The following TESK2 variants were observed in gnomAD, a reference collection of about 807,000 sequenced individuals.
TESK2 encodes dual specificity testis-specific protein kinase 2.
A neutral mutation model predicts 57.1 loss-of-function variants in TESK2; 39 were observed. The ratio of observed to expected loss-of-function variants is 0.68; its 90% confidence interval spans 0.53 to 0.89. The LOEUF is 0.89. TESK2 is among the 40% of genes least tolerant of loss of function. The pLI, the probability that TESK2 is intolerant of heterozygous loss-of-function variation, is 0.00. For synonymous variants in TESK2, 249 were observed against 267.9 expected, an observed-to-expected ratio of 0.93 and a Z score of 0.69; for missense variants, 646 against 732.1, an observed-to-expected ratio of 0.88 and a Z score of 1.36.
At chr1:45,466,494 C>T (rs975366220) in intron 1 of TESK2, among the ~76,000 whole-genome samples, 2 of 151,000 alleles carry the variant, frequency 1.3e-5, no homozygotes, top group Non-Finnish European at 1.5e-5. Flanking sequence ...AAAACAAAAA[C>T]AAAAATTACC....
chr1:45,404,479 T>G (rs995659528), intron 3 of TESK2, among the ~76,000 whole-genome samples: 4 of 152,162 alleles, frequency 2.6e-5, no homozygotes, highest in Non-Finnish European at 5.9e-5. Context: ...TTCTAAATAC[T>G]TTTACAGAGC....
chr1:45,365,654 C>A, intron 4 of TESK2, among the ~76,000 whole-genome samples: 1 of 150,678 alleles, frequency 6.6e-6, no homozygotes, highest in East Asian at 2.0e-4. Flanking sequence ...GCTGGGATTA[C>A]AGGCGTGCAC....
rs1349335907 is a variant in TESK2, at chr1:45,345,241, G to A, written c.1315C>T (p.Pro439Ser). ...DLDAPGPGTM[P>S]LADWQEPLAP... ...AGGGGCTCCTGCCAGTCAGCCAGGGGCATAGTTCCGGGCCCTGGTGCATCC... is the reference window on the plus strand; with the variant it reads ...AGGGGCTCCTGCCAGTCAGCCAGGGACATAGTTCCGGGCCCTGGTGCATCC... The change falls in exon 11 of 11, where the codon CCC becomes TCC. Residue 439 changes from proline (P) to serine (S), a missense_variant. Coordinates refer to ENST00000372086, the MANE Select transcript of TESK2 (RefSeq NM_007170.3). 5.0e-6 allele frequency: 8 copies of A among 1,614,082 alleles called. No individual in the cohort carries two copies. The highest frequency in any genetic ancestry group is 6.8e-6 in the Non-Finnish European group (8 of 1,180,052).
At position 45,457,880 on chromosome 1, in the gene TESK2, A is replaced by T; in HGVS notation, c.-86-9T>A. On this transcript the variant is annotated splice_polypyrimidine_tract_variant and intron_variant, in intron 1 of 10. Coordinates refer to ENST00000372086, the MANE Select transcript of TESK2 (RefSeq NM_007170.3). Reference sequence around the variant, plus strand: ...TCTCTTCTGGTTTGACACTAAAGAGATCAAAAAAATTTCCACTGAAATCTT... The same window carrying T: ...TCTCTTCTGGTTTGACACTAAAGAGTTCAAAAAAATTTCCACTGAAATCTT... 9.7e-7 allele frequency: 1 copy of T among 1,030,956 alleles called. No homozygotes were observed. The highest frequency in any genetic ancestry group is 2.5e-5 in the East Asian group (1 of 39,838). 63.9% of individuals were successfully genotyped at this position (1,030,956 alleles called of 1,614,324 possible).
At chr1:45,463,688 G>C (rs1157538469) in intron 1 of TESK2, among the ~76,000 whole-genome samples, 1 of 152,088 alleles carries the variant, frequency 6.6e-6, no homozygotes, top group Non-Finnish European at 1.5e-5. Context: ...GGGCTCAGGT[G>C]ATCCTCCCAA....
chr1:45,456,673 A>T lies in TESK2; in HGVS notation c.222+891T>A, dbSNP rs575371180. On this transcript the variant is annotated intron_variant, in intron 2 of 10. Coordinates refer to ENST00000372086, the MANE Select transcript of TESK2 (RefSeq NM_007170.3). ...AAGAGAGGGGAGAATTTCTTAGGCAATGCCTATTAGTAGGCAAGTGGAAAT... is the reference window on the plus strand; with the variant it reads ...AAGAGAGGGGAGAATTTCTTAGGCATTGCCTATTAGTAGGCAAGTGGAAAT... 6.6e-5 allele frequency among the ~76,000 whole-genome samples: 10 copies of T among 152,262 alleles called. No homozygotes were observed. In the South Asian group the frequency reaches 1.9e-3, roughly 28 times the overall value.
intron 2 of TESK2, among the ~76,000 whole-genome samples, chr1:45,428,023 T>C (rs1032811989): frequency 6.6e-6 from 1 of 152,174 alleles, no homozygotes; most frequent in Non-Finnish European, 1.5e-5. Context: ...ACCCCATAAA[T>C]ATTATCTACT....
At chr1:45,419,965 A>G (rs1474141770) in intron 3 of TESK2, among the ~76,000 whole-genome samples, 1 of 152,236 alleles carries the variant, frequency 6.6e-6, no homozygotes, top group African/African-American at 2.4e-5. Flanking sequence ...ATTTAATACC[A>G]TTGACCAAAC....
At chr1:45,484,104 C>CTTTTTTTTTTTTT (rs533666070) in intron 1 of TESK2, among the ~76,000 whole-genome samples, 1 of 84,862 alleles carries the variant, frequency 1.2e-5, no homozygotes, top group Non-Finnish European at 2.3e-5. Flanking sequence ...TTTAATTCTT[C>CTTTTTTTTTTTTT]TTTTTTTTTT....
At chr1:45,486,484 C>T (rs186415085) in intron 1 of TESK2, among the ~76,000 whole-genome samples, 1 of 151,850 alleles carries the variant, frequency 6.6e-6, no homozygotes, top group Non-Finnish European at 1.5e-5. Context: ...ACCAGCCTGG[C>T]CAACATGGTG....
intron 3 of TESK2, among the ~76,000 whole-genome samples, chr1:45,394,448 A>G (rs959067370): frequency 6.6e-6 from 1 of 150,678 alleles, no homozygotes; most frequent in African/African-American, 2.4e-5. Context: ...ACACTAGGCC[A>G]AGGATTGCTT....
At chr1:45,392,168 C>T (rs1238526246) in intron 3 of TESK2, among the ~76,000 whole-genome samples, 1 of 152,202 alleles carries the variant, frequency 6.6e-6, no homozygotes, top group African/African-American at 2.4e-5. Context: ...TCACTGCAAC[C>T]TCCGCCTCCC....
At position 45,398,983 on chromosome 1, in the gene TESK2, G is replaced by GAAAA. The variant is rs372886401; in HGVS notation, c.345-13027_345-13024dup. ...CCCAACCTCCATTGGACTAGGACCT[G>GAAAA]AAAAAAAAAAAAAAAAAAAAAAAAC... On this transcript the variant is annotated intron_variant, in intron 3 of 10. Coordinates refer to ENST00000372086, the MANE Select transcript of TESK2 (RefSeq NM_007170.3). 7.5e-3 allele frequency: 1,761 copies of GAAAA among 236,126 alleles called. 15 individuals carry two copies. The highest frequency in any genetic ancestry group is 0.012 in the South Asian group (370 of 31,996). 14.6% of individuals were successfully genotyped at this position (236,126 alleles called of 1,614,324 possible). A position where few individuals can be genotyped will look rare whatever the true frequency, so the allele number is the denominator to read the frequency against.
chr1:45,371,669 C>A (rs1016260461), intron 4 of TESK2, among the ~76,000 whole-genome samples: 9 of 151,742 alleles, frequency 5.9e-5, no homozygotes, highest in African/African-American at 2.2e-4. Context: ...TCGAGACCAG[C>A]CTGGGCAACA....
chr1:45,454,092 C>A (rs547956305), intron 2 of TESK2, among the ~76,000 whole-genome samples: 1 of 152,042 alleles, frequency 6.6e-6, no homozygotes, highest in Non-Finnish European at 1.5e-5. Context: ...ACAACCACTA[C>A]GGAAAACAGT....
chr1:45,346,548 G>C (rs1413220666), intron 9 of TESK2, 145 bp downstream of exon 9: 2 of 653,498 alleles, frequency 3.1e-6, no homozygotes, highest in Non-Finnish European at 2.7e-6. Flanking sequence ...GCTGCCAGAG[G>C]GAGGAGGAGG....
chr1:45,421,255 C>CA (rs1207110028), intron 3 of TESK2, among the ~76,000 whole-genome samples: 2 of 151,922 alleles, frequency 1.3e-5, no homozygotes, highest in Non-Finnish European at 2.9e-5. Flanking sequence ...GACCCTATCT[C>CA]AAAAAAATAA....
chr1:45,399,949 T>C (rs1018865243), intron 3 of TESK2, among the ~76,000 whole-genome samples: 2 of 152,336 alleles, frequency 1.3e-5, no homozygotes, highest in Admixed American at 6.5e-5. Flanking sequence ...CATGGGGATG[T>C]GCTCAAAAAT....
intron 3 of TESK2, among the ~76,000 whole-genome samples, chr1:45,419,879 T>C (rs1650396399): frequency 6.6e-6 from 1 of 152,222 alleles, no homozygotes; most frequent in South Asian, 2.1e-4. Flanking sequence ...CTGAATATTT[T>C]TGTAGTAGAC....
Sources: allele counts gnomAD v4.1 joint callset (sites outside exome capture counted in the v4.1 genomes callset), GRCh38; gene constraint gnomAD v4.1.1; transcripts MANE v1.5; gene names NCBI Gene and HGNC (gene_info 2026-07-23, HGNC 2026-07-21).